The following LRRC4C variants were observed in gnomAD, a reference collection of about 807,000 sequenced individuals.
LRRC4C encodes the protein leucine rich repeat containing 4C, also known as leucine-rich repeat-containing protein 4C.
LRRC4C carries 5 observed loss-of-function variants against 33.6 expected under a neutral mutation model. The ratio of observed to expected loss-of-function variants is 0.15; its 90% CI spans 0.08 to 0.31. The LOEUF (loss-of-function observed/expected upper bound fraction) is 0.31. Among genes scored for constraint, LRRC4C ranks in the 10% least tolerant of loss-of-function variants. The pLI is 1.00. For missense variants in LRRC4C, 560 were observed against 796.7 expected, an observed-to-expected ratio of 0.70 and a Z score of 3.58; for synonymous variants, 329 against 302.0, an observed-to-expected ratio of 1.09 and a Z score of -0.93.
At chr11:41,021,229 G>GTT (rs1855961818) in intron 1 of LRRC4C, among the ~76,000 whole-genome samples, 1 of 129,712 alleles carries the variant, frequency 7.7e-6, no homozygotes, top group Non-Finnish European at 1.6e-5. Flanking sequence ...GTGTGTGTGT[G>GTT]TGTTTAAGAA....
chr11:41,235,117 C>T (rs1947961673), intron 1 of LRRC4C, among the ~76,000 whole-genome samples: 1 of 152,042 alleles, frequency 6.6e-6, no homozygotes, highest in South Asian at 2.1e-4. Flanking sequence ...GAAATACTCA[C>T]TACTCCTTTT....
At position 40,514,878 on chromosome 11, in the gene LRRC4C, A is replaced by T. The variant is rs542018480; in HGVS notation, c.-270+133264T>A. Reference sequence around the variant, plus strand: ...AAGCCACAATTTCAAAAATTATCAAACCAATTTAATTCTTGACATGGGACT... The same window carrying T: ...AAGCCACAATTTCAAAAATTATCAATCCAATTTAATTCTTGACATGGGACT... On this transcript the variant is annotated intron_variant, in intron 3 of 6. Transcript: ENST00000528697. Among the ~76,000 whole-genome samples the T allele has an allele frequency of 2.0e-5, 3 of 152,228 alleles. No homozygotes were observed. The South Asian group carries it at 6.2e-4, about 32-fold the overall frequency.
intron 3 of LRRC4C, among the ~76,000 whole-genome samples, chr11:40,329,460 A>G (rs1946249707): frequency 6.6e-6 from 1 of 152,140 alleles, no homozygotes; most frequent in African/African-American, 2.4e-5. Flanking sequence ...AAGCAAACAG[A>G]CTTTGAGACG....
At chr11:40,315,834 T>C (rs549130791) in intron 4 of LRRC4C, among the ~76,000 whole-genome samples, 1 of 151,992 alleles carries the variant, frequency 6.6e-6, no homozygotes, top group African/African-American at 2.4e-5. Flanking sequence ...ATAAAAATGC[T>C]CCTTCTCTAA....
intron 3 of LRRC4C, among the ~76,000 whole-genome samples, chr11:40,396,131 G>T (rs1949530551): frequency 1.3e-5 from 2 of 152,072 alleles, no homozygotes; most frequent in South Asian, 4.1e-4. Context: ...CTACAGGGTG[G>T]TCCTGAATCA....
chr11:40,857,913 A>C (rs1953868827), intron 2 of LRRC4C, among the ~76,000 whole-genome samples: 1 of 149,070 alleles, frequency 6.7e-6, no homozygotes, highest in Non-Finnish European at 1.5e-5. Context: ...AGATCCTACC[A>C]AAAAAAAGAA....
At chr11:40,640,902 G>C (rs1264005779) in intron 3 of LRRC4C, among the ~76,000 whole-genome samples, 1 of 151,098 alleles carries the variant, frequency 6.6e-6, no homozygotes, top group Non-Finnish European at 1.5e-5. Flanking sequence ...TGTAGTCCCA[G>C]CTACTCCGGA....
At chr11:40,735,054 A>C (rs1001869775) in intron 2 of LRRC4C, among the ~76,000 whole-genome samples, 4 of 152,126 alleles carry the variant, frequency 2.6e-5, no homozygotes, top group African/African-American at 9.7e-5. Flanking sequence ...AGGGTCTCTG[A>C]TCTGGGGAAT....
intron 4 of LRRC4C, among the ~76,000 whole-genome samples, chr11:40,274,424 TACAC>T (rs56027023): frequency 0.026 from 3,591 of 138,986 alleles, 51 homozygotes; most frequent in Admixed American, 0.041. Context: ...GACACACACA[TACAC>T]ACACACACAC....
chr11:40,297,210 A>T (rs781495949), intron 4 of LRRC4C, among the ~76,000 whole-genome samples: 11 of 152,216 alleles, frequency 7.2e-5, no homozygotes, highest in Admixed American at 2.0e-4. Flanking sequence ...AGCTGTAGGC[A>T]ACTCTATTGA....
intron 3 of LRRC4C, among the ~76,000 whole-genome samples, chr11:40,467,209 C>T (rs898390914): frequency 6.6e-6 from 1 of 152,052 alleles, no homozygotes; most frequent in African/African-American, 2.4e-5. Flanking sequence ...ATAAGATGTG[C>T]AAAAACTCAG....
At position 41,243,064 on chromosome 11, in the gene LRRC4C, C is replaced by T. The variant is rs185474120; in HGVS notation, c.-496+216367G>A. On this transcript the variant is annotated intron_variant, in intron 1 of 6. Coordinates refer to ENST00000528697, the MANE Select transcript of LRRC4C (RefSeq NM_001258419.2). ...GACCCTCTGTTAAACTCCGAAGTGT[C>T]TTCTTTCAGGCATCAAAGTTTATGT... Among the ~76,000 whole-genome samples, 3 of 152,260 alleles carry T rather than the reference C, an allele frequency of 2.0e-5. No homozygotes were observed. In the East Asian group the frequency reaches 5.8e-4, roughly 29 times the overall value.
chr11:40,343,725 A>AAAGAG (rs1555025545), intron 3 of LRRC4C, among the ~76,000 whole-genome samples: 1 of 151,092 alleles, frequency 6.6e-6, no homozygotes, highest in Non-Finnish European at 1.5e-5. Flanking sequence ...AAAAAAAAAA[A>AAAGAG]AGAGAGAGAC....
chr11:41,003,668 G>A (rs1441882679), intron 1 of LRRC4C, among the ~76,000 whole-genome samples: 2 of 151,636 alleles, frequency 1.3e-5, no homozygotes, highest in Non-Finnish European at 2.9e-5. Flanking sequence ...TTTTAGGTTT[G>A]TGAATAGTTT....
At chr11:41,079,194 T>C (rs1939380495) in intron 1 of LRRC4C, among the ~76,000 whole-genome samples, 1 of 152,200 alleles carries the variant, frequency 6.6e-6, no homozygotes, top group South Asian at 2.1e-4. Context: ...GCCTTGTAAC[T>C]GAGGCTGAAG....
At chr11:40,588,238 T>C (rs1227000836) in intron 3 of LRRC4C, among the ~76,000 whole-genome samples, 1 of 150,748 alleles carries the variant, frequency 6.6e-6, no homozygotes, top group African/African-American at 2.4e-5. Context: ...TATCCATTTC[T>C]TCTAGATTTT....
chr11:41,277,462 T>C (rs982985343), intron 1 of LRRC4C, among the ~76,000 whole-genome samples: 5 of 152,220 alleles, frequency 3.3e-5, no homozygotes, highest in African/African-American at 1.2e-4. Flanking sequence ...GGAAAATGTA[T>C]TTCCATACTG....
chr11:40,898,353 C>CAAAAAAAAAAAA (rs765252333), intron 2 of LRRC4C, among the ~76,000 whole-genome samples: 958 of 38,082 alleles, frequency 0.025, 87 homozygotes, highest in Admixed American at 0.043. Flanking sequence ...AACTCCATCT[C>CAAAAAAAAAAAA]AAAAAAAAAA....
At chr11:40,936,014 T>A (rs1309157975) in intron 1 of LRRC4C, among the ~76,000 whole-genome samples, 9 of 49,300 alleles carry the variant, frequency 1.8e-4, no homozygotes, top group Non-Finnish European at 3.7e-4. Context: ...ATGCCAAATT[T>A]TATATATATA....
Sources: gnomAD v4.1 joint callset for allele counts (sites outside exome capture counted in the v4.1 genomes callset) on GRCh38, gnomAD v4.1.1 for gene constraint, MANE v1.5 for transcripts, NCBI Gene and HGNC (gene_info 2026-07-23, HGNC 2026-07-21) for gene names.